DENND4A: variants seen among roughly 807,000 people sequenced by gnomAD.
DENND4A encodes the protein DENN domain containing 4A, also known as C-myc promoter-binding protein.
DENND4A carries 70 observed loss-of-function variants against 199.3 expected under a neutral mutation model. That is an observed-to-expected ratio of 0.35 (90% confidence interval 0.29 to 0.43). The LOEUF (loss-of-function observed/expected upper bound fraction) is 0.43. DENND4A is among the 20% of genes least tolerant of loss of function. The pLI, the probability that DENND4A is intolerant of heterozygous loss-of-function variation, is 1.00. For synonymous variants in DENND4A, 686 were observed against 766.9 expected (o/e 0.89, Z 1.74); for missense variants, 1,723 against 2,255.8 (o/e 0.76, Z 4.78).
rs1317954425 is a variant in DENND4A, at chr15:65,663,207, T to A, written c.5587+1123A>T. ...ATATATATATATATATATTTTTTTT[T>A]TTTTATTTTTTTTTTTGGTTAGACG... On this transcript the variant is annotated intron_variant, in intron 32 of 32. Transcript: ENST00000443035. Among the ~76,000 whole-genome samples, 174 of 143,174 alleles carry A rather than the reference T, an allele frequency of 1.2e-3. 1 individual carries two copies. Among genetic ancestry groups the A allele is most frequent in the African/African-American group, 4.1e-3 (152 of 37,166 alleles). The allele number at this position is 143,174 out of a possible 152,430, so 93.9% of individuals were successfully genotyped here.
chr15:65,706,943 T>C (rs910228253), intron 14 of DENND4A, among the ~76,000 whole-genome samples: 1 of 152,366 alleles, frequency 6.6e-6, no homozygotes, highest in East Asian at 1.9e-4. Flanking sequence ...TACCTTTTTA[T>C]ATGCAAATGT....
At chr15:65,718,793 T>G (rs2075507036) in intron 12 of DENND4A, among the ~76,000 whole-genome samples, 1 of 144,020 alleles carries the variant, frequency 6.9e-6, no homozygotes, top group Non-Finnish European at 1.5e-5. Flanking sequence ...TTTTTTTGGT[T>G]TTTTGAGACA....
intron 2 of DENND4A, among the ~76,000 whole-genome samples, 192 bp from the exon 3 acceptor site, chr15:65,756,664 A>T (rs1255024296): frequency 6.6e-6 from 1 of 152,236 alleles, no homozygotes; most frequent in Non-Finnish European, 1.5e-5. Context: ...TTTATTATAA[A>T]AGTAATGGAT....
chr15:65,771,620 T>C, intron 1 of DENND4A: 3 of 1,612,538 alleles, frequency 1.9e-6, no homozygotes, highest in African/African-American at 1.3e-5. Context: ...ACTATGTCAA[T>C]GCTGATGTTG....
Position 65,671,844 on chromosome 15 carries a change from G to C in DENND4A, c.4412C>G (p.Thr1471Arg), listed in dbSNP as rs749341932. The change falls in exon 25 of 33, where the codon ACA becomes AGA. Residue 1471 changes from threonine to arginine, a missense_variant. Physicochemically the swap from Thr to Arg is moderately conservative, Grantham distance 71 (BLOSUM62 -1). Around this residue, in one of 6 missense-constraint regions of DENND4A, gnomAD observed 650 missense variants for 738.1 expected, o/e 0.88. Coordinates refer to ENST00000443035, the MANE Select transcript of DENND4A (RefSeq NM_001320835.1). Reference sequence around the variant, plus strand: ...TGTATTACTCGCGTTGAAGGAAGATGTCACTTCTGATTTCCCAGGTAAGGC... The same window carrying C: ...TGTATTACTCGCGTTGAAGGAAGATCTCACTTCTGATTTCCCAGGTAAGGC... ...KFALPGKSEV[T>R]SSFNASNTNI... is the part of the protein sequence containing the mutation. The C allele has an allele frequency of 5.6e-6, 9 of 1,612,992 alleles. No homozygotes were observed. The Admixed American group carries it at 1.5e-4, about 27-fold the overall frequency.
At chr15:65,673,663 C>T (rs910554520) in intron 24 of DENND4A, among the ~76,000 whole-genome samples, 2 of 149,648 alleles carry the variant, frequency 1.3e-5, no homozygotes, top group Non-Finnish European at 3.0e-5. Context: ...AGAACTATCA[C>T]TGGTCCTACT....
Position 65,662,190 on chromosome 15 carries a change from C to T in DENND4A, c.5588-203G>A, listed in dbSNP as rs149338708. Among the ~76,000 whole-genome samples, 436 of 152,178 alleles carry T rather than the reference C, an allele frequency of 2.9e-3. 3 individuals carry two copies. Among genetic ancestry groups the T allele is most frequent in the African/African-American group, 1.0e-2 (414 of 41,500 alleles). On this transcript the variant is annotated intron_variant, in intron 32 of 32. Coordinates refer to ENST00000443035, the MANE Select transcript of DENND4A (RefSeq NM_001320835.1). ...TGAAAATGCCAATTTTTAATTTTAC[C>T]AGGTACAGATGTTAAAAACCACCAA...
intron 12 of DENND4A, 40 bp downstream of exon 12, chr15:65,722,808 T>A: frequency 6.9e-7 from 1 of 1,446,654 alleles, no homozygotes. Context: ...AGTCCCTTTT[T>A]CAGATTAAAT....
At chr15:65,665,142 C>CA (rs879878972) in intron 30 of DENND4A, 289 of 465,872 alleles carry the variant, frequency 6.2e-4, no homozygotes, top group South Asian at 2.4e-3. Context: ...AAACAAAAAA[C>CA]AAAAAAAAAC....
chr15:65,736,084 T>C (rs1433842890), intron 7 of DENND4A, among the ~76,000 whole-genome samples: 1 of 152,090 alleles, frequency 6.6e-6, no homozygotes, highest in Non-Finnish European at 1.5e-5. Flanking sequence ...TTTTCTAAGA[T>C]GGGGGTGATA....
chr15:65,777,072 G>T (rs1197004377), intron 1 of DENND4A, among the ~76,000 whole-genome samples: 1 of 152,166 alleles, frequency 6.6e-6, no homozygotes, highest in African/African-American at 2.4e-5. Flanking sequence ...GGAGGCTGAG[G>T]CAGGAGAATC....
At chr15:65,774,334 T>C (rs923760407) in intron 1 of DENND4A, among the ~76,000 whole-genome samples, 8 of 152,058 alleles carry the variant, frequency 5.3e-5, no homozygotes, top group Non-Finnish European at 2.9e-5. Flanking sequence ...CTACTAAAAA[T>C]ACAAAATTAG....
chr15:65,731,796 T>A (rs542117739), intron 8 of DENND4A, 96 bp from the exon 9 acceptor site: 1 of 869,946 alleles, frequency 1.1e-6, no homozygotes, highest in South Asian at 1.7e-5. Flanking sequence ...ATTATGCCCA[T>A]GAAGTTTCAG....
At chr15:65,718,614 C>G (rs2075490832) in intron 12 of DENND4A, among the ~76,000 whole-genome samples, 1 of 151,926 alleles carries the variant, frequency 6.6e-6, no homozygotes, top group South Asian at 2.1e-4. Flanking sequence ...AACATAAACC[C>G]AGATCTCTCA....
chr15:65,750,182 G>C (rs1057216178), intron 4 of DENND4A, among the ~76,000 whole-genome samples: 1 of 152,146 alleles, frequency 6.6e-6, no homozygotes, highest in Non-Finnish European at 1.5e-5. Context: ...GTCTTGTGCA[G>C]CAACGTGGAT....
intron 12 of DENND4A, among the ~76,000 whole-genome samples, chr15:65,718,355 AT>A (rs2075480872): frequency 1.3e-5 from 2 of 152,088 alleles, no homozygotes; most frequent in Non-Finnish European, 2.9e-5. Flanking sequence ...TCTTTACAAA[AT>A]TTTTTTTAAG....
At chr15:65,721,718 G>A (rs957627811) in intron 12 of DENND4A, among the ~76,000 whole-genome samples, 1 of 151,702 alleles carries the variant, frequency 6.6e-6, no homozygotes, top group Non-Finnish European at 1.5e-5. Flanking sequence ...CTCCCGCGTG[G>A]TCCTCCTGCC....
chr15:65,685,326 C>G (rs1399890113), intron 23 of DENND4A, among the ~76,000 whole-genome samples: 1 of 152,166 alleles, frequency 6.6e-6, no homozygotes, highest in East Asian at 1.9e-4. Flanking sequence ...CGGGGTTTCA[C>G]TGTGTTAGCC....
intron 11 of DENND4A, among the ~76,000 whole-genome samples, 194 bp from the exon 12 acceptor site, chr15:65,723,142 A>G (rs1220261686): frequency 6.6e-6 from 1 of 152,226 alleles, no homozygotes; most frequent in East Asian, 1.9e-4. Context: ...ATTAATTTGT[A>G]TGAGGGTAGA....
Sources: allele counts gnomAD v4.1 joint callset (sites outside exome capture counted in the v4.1 genomes callset), GRCh38; gene constraint gnomAD v4.1.1; regional missense constraint gnomAD v4.1.1; transcripts MANE v1.5; gene names NCBI Gene and HGNC (gene_info 2026-07-23, HGNC 2026-07-21).